Variants in KHDRBS2 observed in about 807,000 individuals in gnomAD.
KHDRBS2 encodes KH domain-containing, RNA-binding, signal transduction-associated protein 2.
Under a neutral mutation model 44.3 loss-of-function variants are expected in KHDRBS2, and 26 were observed. That is an observed-to-expected ratio of 0.59 (90% CI 0.43 to 0.81). The LOEUF is 0.81. Ranked by LOEUF, KHDRBS2 falls within the 40% of genes least tolerant of loss-of-function variation. The pLI is 0.00. For synonymous variants in KHDRBS2, 194 were observed against 151.1 expected (o/e 1.28, Z -2.08); for missense variants, 476 against 433.1 (o/e 1.10, Z -0.88).
chr6:62,089,295 C>A (rs1168418407), intron 2 of KHDRBS2, among the ~76,000 whole-genome samples: 2 of 149,302 alleles, frequency 1.3e-5, no homozygotes, highest in African/African-American at 4.9e-5. Context: ...AAGACTCCTG[C>A]AGCTAGCTCT....
In KHDRBS2 at chr6:61,680,386, T is replaced by A. The variant is rs964719086; in HGVS notation, c.*577A>T. The A allele has an allele frequency of 1.3e-5, 2 of 151,830 alleles. No individual in the cohort carries two copies. Among genetic ancestry groups the A allele is most frequent in the African/African-American group, 4.8e-5 (2 of 41,336 alleles). The allele number at this position is 151,830 out of a possible 1,614,324, so 9.4% of individuals were successfully genotyped here. On this transcript the variant is annotated 3_prime_UTR_variant, in exon 9 of 9. Transcript: ENST00000281156. The stretch of plus-strand genomic sequence containing the variant: ...AATACAGGTTAAAACACTGAACAAA[T>A]TCAGTTAGCTACATACATACAGTAG...
At chr6:61,895,304 A>G (rs1219952829) in intron 5 of KHDRBS2, among the ~76,000 whole-genome samples, 4 of 152,126 alleles carry the variant, frequency 2.6e-5, no homozygotes, top group African/African-American at 7.2e-5. Context: ...AGTGATGGAC[A>G]ATGCTGTCAT....
the KHDRBS2 span, among the ~76,000 whole-genome samples, chr6:61,663,305 A>G: frequency 6.8e-6 from 1 of 146,652 alleles, no homozygotes; most frequent in Non-Finnish European, 1.5e-5. Flanking sequence ...ATGCTAAATG[A>G]TGAGTTAATG....
At chr6:61,723,159 A>T (rs1772973415) in intron 7 of KHDRBS2, among the ~76,000 whole-genome samples, 1 of 151,214 alleles carries the variant, frequency 6.6e-6, no homozygotes, top group Non-Finnish European at 1.5e-5. Context: ...ACCATAAAAA[A>T]CAAACAAACA....
chr6:61,978,408 T>C (rs1773161409), intron 3 of KHDRBS2, among the ~76,000 whole-genome samples, 196 bp from the exon 4 acceptor site: 2 of 152,018 alleles, frequency 1.3e-5, no homozygotes, highest in South Asian at 4.1e-4. Flanking sequence ...TTTTGAGTGT[T>C]TGAATGATTT....
At chr6:61,938,556 G>T (rs1289900248) in intron 4 of KHDRBS2, among the ~76,000 whole-genome samples, 2 of 152,102 alleles carry the variant, frequency 1.3e-5, no homozygotes, top group African/African-American at 4.8e-5. Context: ...TGAAATAATT[G>T]CTCTGAGAAG....
At chr6:62,123,736 T>A (rs1424682690) in intron 2 of KHDRBS2, among the ~76,000 whole-genome samples, 1 of 151,836 alleles carries the variant, frequency 6.6e-6, no homozygotes, top group Non-Finnish European at 1.5e-5. Context: ...TGCCACTCGA[T>A]GAGATGCATT....
At chr6:62,158,570 T>G (rs1042765904) in intron 2 of KHDRBS2, among the ~76,000 whole-genome samples, 8 of 152,138 alleles carry the variant, frequency 5.3e-5, no homozygotes, top group Non-Finnish European at 1.2e-4. Context: ...CTCTATATCT[T>G]AATATATTCT....
chr6:62,270,288 TCTCTCTCTCTCTC>T (rs59037993), intron 1 of KHDRBS2, among the ~76,000 whole-genome samples: 16,730 of 137,514 alleles, frequency 0.12, 1,189 homozygotes, highest in African/African-American at 0.19. Context: ...TCTCTCTCTC[TCTCTCTCTCTCTC>T]CTCTCTCTCT....
chr6:62,057,612 T>C (rs1396080021), intron 2 of KHDRBS2, among the ~76,000 whole-genome samples: 2 of 152,008 alleles, frequency 1.3e-5, no homozygotes, highest in African/African-American at 4.8e-5. Context: ...AGAAAATAAA[T>C]CAAACACTAC....
intron 2 of KHDRBS2, among the ~76,000 whole-genome samples, chr6:62,095,305 C>T (rs189042534): frequency 6.6e-6 from 1 of 151,748 alleles, no homozygotes; most frequent in Non-Finnish European, 1.5e-5. Context: ...TAATGAAATT[C>T]TCATCAATGA....
intron 4 of KHDRBS2, among the ~76,000 whole-genome samples, chr6:61,954,881 T>TGC (rs2127387339): frequency 6.9e-6 from 1 of 144,570 alleles, no homozygotes; most frequent in East Asian, 2.1e-4. Flanking sequence ...TATGTGTATA[T>TGC]ATGTATATAT....
chr6:61,562,955 T>G, the KHDRBS2 span, among the ~76,000 whole-genome samples: 2 of 152,144 alleles, frequency 1.3e-5, no homozygotes, highest in Non-Finnish European at 2.9e-5. Flanking sequence ...AGGGAAAGAT[T>G]TCCTTCTGTT....
Position 61,680,889 on chromosome 6 carries a change from G to T in KHDRBS2, c.*74C>A. 2.3e-6 allele frequency: 2 copies of T among 881,874 alleles called. No homozygotes were observed. The highest frequency in any genetic ancestry group is 3.7e-6 in the Non-Finnish European group (2 of 542,008). The allele number at this position is 881,874 out of a possible 1,614,324, so 54.6% of individuals were successfully genotyped here. ...ACAAACAAAAAAAGGACTATTACTTGTCTTGTTGCTGTTTATGTGGAGACC... is the reference window on the plus strand; with the variant it reads ...ACAAACAAAAAAAGGACTATTACTTTTCTTGTTGCTGTTTATGTGGAGACC... On this transcript the variant is annotated 3_prime_UTR_variant, in exon 9 of 9. Transcript: ENST00000281156.
intron 6 of KHDRBS2, among the ~76,000 whole-genome samples, chr6:61,837,993 G>T (rs1431050239): frequency 6.6e-6 from 1 of 151,968 alleles, no homozygotes; most frequent in East Asian, 1.9e-4. Flanking sequence ...GCTGATATGA[G>T]AGTCAGAAAG....
At chr6:62,063,245 T>C (rs932681826) in intron 2 of KHDRBS2, among the ~76,000 whole-genome samples, 6 of 143,864 alleles carry the variant, frequency 4.2e-5, no homozygotes, top group East Asian at 2.1e-4. Context: ...TTCCAATCAA[T>C]AGAAAAAGAG....
the KHDRBS2 span, among the ~76,000 whole-genome samples, chr6:61,627,081 G>GTCTC: frequency 6.6e-6 from 1 of 151,086 alleles, no homozygotes; most frequent in Non-Finnish European, 1.5e-5. Context: ...GTGAAACCCC[G>GTCTC]TCTCTACTAA....
the KHDRBS2 span, among the ~76,000 whole-genome samples, chr6:61,635,212 T>C: frequency 2.0e-5 from 3 of 152,040 alleles, no homozygotes; most frequent in Non-Finnish European, 2.9e-5. Context: ...ATTTCTAAAA[T>C]AAGTATACCA....
chr6:61,565,876 A>G, the KHDRBS2 span, among the ~76,000 whole-genome samples: 1 of 150,150 alleles, frequency 6.7e-6, no homozygotes, highest in East Asian at 2.0e-4. Flanking sequence ...ATCCAAAAGC[A>G]AGGAAATCAG....
Sources: allele counts gnomAD v4.1 joint callset (sites outside exome capture counted in the v4.1 genomes callset), GRCh38; gene constraint gnomAD v4.1.1; transcripts MANE v1.5; gene names NCBI Gene and HGNC (gene_info 2026-07-23, HGNC 2026-07-21).